Variants in NOX4 observed in about 807,000 individuals in gnomAD.
The protein encoded by NOX4 is NADPH oxidase 4.
A neutral mutation model predicts 87.6 loss-of-function variants in NOX4; 69 were observed. The observed-to-expected ratio is 0.79, with a 90% CI of 0.65 to 0.96. The LOEUF (loss-of-function observed/expected upper bound fraction) is 0.96, where lower values mean the gene tolerates loss of function less well. Among genes scored for constraint, NOX4 ranks in the 40% least tolerant of loss-of-function variants. The pLI is 0.00. For synonymous variants in NOX4, 275 were observed against 238.2 expected, an observed-to-expected ratio of 1.15 and a Z score of -1.42; for missense variants, 680 against 681.5, an observed-to-expected ratio of 1.00 and a Z score of 0.02.
chr11:89,501,536 A>G (rs1231884822), upstream of NOX4, among the ~76,000 whole-genome samples: 1 of 152,080 alleles, frequency 6.6e-6, no homozygotes, highest in Non-Finnish European at 1.5e-5. Flanking sequence ...AGTGATTGGA[A>G]GCAAATAAGC....
Position 89,402,595 on chromosome 11 carries a change from G to A in NOX4, c.630-53C>T, listed in dbSNP as rs1287504156. 1.3e-5 allele frequency: 17 copies of A among 1,319,040 alleles called. No homozygotes were observed. The East Asian group carries it at 3.7e-4, about 29-fold the overall frequency. The allele number at this position is 1,319,040 out of a possible 1,614,324, so 81.7% of individuals were successfully genotyped here. On this transcript the variant is annotated intron_variant, in intron 8 of 17. Coordinates refer to ENST00000263317, the MANE Select transcript of NOX4 (RefSeq NM_016931.5). ...AGAGAAATGAAAAGATTTGAGATCA[G>A]GGGACACGGTAAAAGAAAATAATGT...
chr11:89,402,531 T>C lies in NOX4; in HGVS notation c.641A>G (p.Lys214Arg), dbSNP rs764717224. The change falls in exon 9 of 18, where the codon AAG (lysine) becomes AGG (arginine). Residue 214 changes from lysine (K) to arginine (R), a missense_variant. Transcript: ENST00000263317. ...GTGGGTATCTAAATTAGTTTGATAC[T>C]TCAGCAGCCCTCTAAAATTACATTT... ...LTLHVSGGLL[K>R]YQTNLDTHPP... 6 of 1,609,150 alleles carry C rather than the reference T, an allele frequency of 3.7e-6. No individual in the cohort carries two copies. The East Asian group carries it at 1.1e-4, about 30-fold the overall frequency.
At chr11:89,394,717 T>C (rs937920587) in intron 11 of NOX4, among the ~76,000 whole-genome samples, 7 of 152,110 alleles carry the variant, frequency 4.6e-5, no homozygotes, top group Admixed American at 3.3e-4. Flanking sequence ...GTGTTCTCAT[T>C]CTTCAATTCC....
chr11:89,420,737 C>G (rs570934845), intron 8 of NOX4, among the ~76,000 whole-genome samples: 1 of 152,102 alleles, frequency 6.6e-6, no homozygotes, highest in South Asian at 2.1e-4. Context: ...AGGTCTGAAC[C>G]TTTCTTCAAA....
chr11:89,327,343 C>T (rs1475735166), intron 17 of NOX4, among the ~76,000 whole-genome samples: 25 of 150,872 alleles, frequency 1.7e-4, no homozygotes, highest in South Asian at 4.2e-4. Flanking sequence ...GCAAAAGCAG[C>T]GATGAATAAG....
chr11:89,441,232 C>T (rs1316000751), intron 5 of NOX4, among the ~76,000 whole-genome samples: 3 of 152,104 alleles, frequency 2.0e-5, no homozygotes, highest in Non-Finnish European at 4.4e-5. Flanking sequence ...GGTGAGGATA[C>T]TCAAATAAAA....
rs1417663931 is a variant in NOX4, at chr11:89,324,497, A to G, written c.*2259T>C. The G allele has an allele frequency of 6.6e-6, 1 of 152,222 alleles. No individual in the cohort carries two copies. Among genetic ancestry groups the G allele is most frequent in the African/African-American group, 2.4e-5 (1 of 41,460 alleles). The allele number at this position is 152,222 out of a possible 1,614,324, so 9.4% of individuals were successfully genotyped here. ...AGCCCTGCAGAAGCAAAGATGACCT[A>G]TGTTTAACATTTAACATTTGAACAC... On this transcript the variant is annotated 3_prime_UTR_variant, in exon 18 of 18. Transcript: ENST00000263317.
intron 8 of NOX4, among the ~76,000 whole-genome samples, chr11:89,410,698 T>C (rs1439883289): frequency 2.0e-5 from 3 of 152,302 alleles, no homozygotes; most frequent in Admixed American, 6.5e-5. Flanking sequence ...CAAAAAGGAA[T>C]TGCCCATTCT....
At chr11:89,572,381 C>T in the NOX4 span, among the ~76,000 whole-genome samples, 1 of 152,136 alleles carries the variant, frequency 6.6e-6, no homozygotes, top group African/African-American at 2.4e-5. Context: ...ACCTCTAGCT[C>T]AACTAAATTG....
At chr11:89,491,049 G>C in intron 1 of NOX4, 141 bp downstream of exon 1, 1 of 836,970 alleles carries the variant, frequency 1.2e-6, no homozygotes, top group African/African-American at 1.7e-5. Flanking sequence ...GTTATCTCCA[G>C]CATAAAGTTT....
intron 13 of NOX4, among the ~76,000 whole-genome samples, chr11:89,352,894 A>G (rs1270207221): frequency 6.6e-6 from 1 of 152,160 alleles, no homozygotes; most frequent in East Asian, 1.9e-4. Context: ...ATCTCAGCTC[A>G]CTGCAACCTC....
chr11:89,330,700 C>A (rs1945433948), intron 17 of NOX4, among the ~76,000 whole-genome samples: 1 of 149,708 alleles, frequency 6.7e-6, no homozygotes, highest in African/African-American at 2.4e-5. Context: ...AAAATTCAAC[C>A]CAAATCAAGG....
chr11:89,447,400 A>T (rs1944755120), intron 4 of NOX4, among the ~76,000 whole-genome samples: 1 of 152,162 alleles, frequency 6.6e-6, no homozygotes. Context: ...TAATTAAGGG[A>T]TATATTCACC....
intron 12 of NOX4, among the ~76,000 whole-genome samples, chr11:89,358,244 G>T (rs990409253): frequency 6.6e-6 from 1 of 151,666 alleles, no homozygotes; most frequent in Non-Finnish European, 1.5e-5. Flanking sequence ...AAATTAGTCG[G>T]GCATAGTGGT....
chr11:89,375,065 A>G (rs946380119), intron 11 of NOX4, among the ~76,000 whole-genome samples: 3 of 152,178 alleles, frequency 2.0e-5, no homozygotes, highest in Non-Finnish European at 2.9e-5. Flanking sequence ...GATTCATAAT[A>G]AATTATGAAC....
chr11:89,380,719 A>C (rs1367702339), intron 11 of NOX4, among the ~76,000 whole-genome samples: 1 of 152,156 alleles, frequency 6.6e-6, no homozygotes, highest in Non-Finnish European at 1.5e-5. Context: ...AAACTAGAGC[A>C]GTTAGATGAT....
intron 8 of NOX4, among the ~76,000 whole-genome samples, chr11:89,412,060 T>C (rs957989904): frequency 5.9e-5 from 9 of 151,800 alleles, no homozygotes; most frequent in Non-Finnish European, 1.2e-4. Flanking sequence ...ACAAAAACCA[T>C]AAGAAGAGAC....
intron 2 of NOX4, among the ~76,000 whole-genome samples, chr11:89,456,380 T>C (rs1446745676): frequency 6.6e-6 from 1 of 151,970 alleles, no homozygotes; most frequent in Non-Finnish European, 1.5e-5. Context: ...AGACTAAAGA[T>C]TTAGTCTGAA....
At chr11:89,427,825 C>T (rs1465253352) in intron 7 of NOX4, among the ~76,000 whole-genome samples, 4 of 152,094 alleles carry the variant, frequency 2.6e-5, no homozygotes, top group Admixed American at 6.6e-5. Flanking sequence ...ACTTCCCCAA[C>T]CTAGTAAGGC....
Sources: gnomAD v4.1 joint callset for allele counts (sites outside exome capture counted in the v4.1 genomes callset) on GRCh38, gnomAD v4.1.1 for gene constraint, MANE v1.5 for transcripts, NCBI Gene and HGNC (gene_info 2026-07-23, HGNC 2026-07-21) for gene names.